The following GTF3C3 variants were observed in gnomAD, a reference collection of about 807,000 sequenced individuals.
The protein encoded by GTF3C3 is general transcription factor 3C polypeptide 3.
In GTF3C3, 75 loss-of-function variants were observed where a neutral mutation model predicts 105.2. The observed-to-expected ratio is 0.71, with a 90% CI of 0.59 to 0.86. The LOEUF is 0.86. Ranked by LOEUF, GTF3C3 falls within the 40% of genes least tolerant of loss-of-function variation. The pLI is 0.00. For synonymous variants in GTF3C3, 335 were observed against 370.4 expected, an observed-to-expected ratio of 0.90 and a Z score of 1.10; for missense variants, 856 against 1,076.5, an observed-to-expected ratio of 0.80 and a Z score of 2.87.
chr2:196,788,184 T>C (rs1675577497), intron 6 of GTF3C3, among the ~76,000 whole-genome samples: 1 of 152,222 alleles, frequency 6.6e-6, no homozygotes, highest in Admixed American at 6.5e-5. Flanking sequence ...AGAAATGTTT[T>C]CTAGTAGTCC....
rs1013244274 is a variant in GTF3C3 at position 196,763,477 on chromosome 2, G to A, written c.*1086C>T. On this transcript the variant is annotated 3_prime_UTR_variant, in exon 18 of 18. Coordinates refer to ENST00000263956, the MANE Select transcript of GTF3C3 (RefSeq NM_012086.5). ...TTAACCTCAATTATAAAAATAAAATGCATTTAAATTATACACATGGAGTAT... is the reference window on the plus strand; with the variant it reads ...TTAACCTCAATTATAAAAATAAAATACATTTAAATTATACACATGGAGTAT... 3.9e-5 allele frequency: 6 copies of A among 152,204 alleles called. No homozygotes were observed. Among genetic ancestry groups the A allele is most frequent in the Non-Finnish European group, 7.4e-5 (5 of 68,010 alleles). The allele number at this position is 152,204 out of a possible 1,614,324, so 9.4% of individuals were successfully genotyped here.
Position 196,793,072 on chromosome 2 carries a change from C to G in GTF3C3, c.295G>C (p.Glu99Gln). 6.2e-7 allele frequency: 1 copy of G among 1,613,518 alleles called. No homozygotes were observed. The highest frequency in any genetic ancestry group is 1.7e-5 in the Admixed American group (1 of 60,018). ...MLGENEDDEE[E>Q]EEEEEEEEEE... Reference sequence around the variant, plus strand: ...TCCTCCTCCTCCTCTTCTTCCTCTTCCTCCTCATCATCTTCATTCTCTCCA... The same window carrying G: ...TCCTCCTCCTCCTCTTCTTCCTCTTGCTCCTCATCATCTTCATTCTCTCCA... Residue 99 changes from glutamate to glutamine, a missense_variant, in exon 3 of 18, where the codon GAA becomes CAA. By Grantham distance (29) the Glu-to-Gln change is conservative. Coordinates refer to ENST00000263956, the MANE Select transcript of GTF3C3 (RefSeq NM_012086.5).
At position 196,763,916 on chromosome 2, in the gene GTF3C3, TCTC is replaced by T. The variant is rs1178482055; in HGVS notation, c.*644_*646del. ...CATGTCCTGTTATTGAACAAGCTCT[TCTC>T]TATTTTTTCATCAGAAAGCCACAAA... On this transcript the variant is annotated 3_prime_UTR_variant, in exon 18 of 18. Transcript: ENST00000263956. 2 of 152,166 alleles carry T rather than the reference TCTC, an allele frequency of 1.3e-5. No homozygotes were observed. The highest frequency in any genetic ancestry group is 2.9e-5 in the Non-Finnish European group (2 of 68,036). 9.4% of individuals were successfully genotyped at this position (152,166 alleles called of 1,614,324 possible). A position where few individuals can be genotyped will look rare whatever the true frequency, so the allele number is the denominator to read the frequency against.
chr2:196,766,132 A>AAAAT (rs1699063239), intron 17 of GTF3C3, among the ~76,000 whole-genome samples: 1 of 152,202 alleles, frequency 6.6e-6, no homozygotes, highest in Non-Finnish European at 1.5e-5. Context: ...TTCAGGATTT[A>AAAAT]AAATAAAAAT....
chr2:196,770,384 G>A (rs1226062314), intron 15 of GTF3C3, among the ~76,000 whole-genome samples: 2 of 152,134 alleles, frequency 1.3e-5, no homozygotes, highest in African/African-American at 4.8e-5. Flanking sequence ...GAAAAGAATG[G>A]AGGAGGTGTG....
chr2:196,789,964 G>A lies in GTF3C3; in HGVS notation c.642C>T (p.Pro214=). ...QFELIAAHLN[P]SDTEEWVRLA... ...GTCTAACCCATTCTTCTGTGTCACT[G>A]GGATTTAAATGCGCAGCAATCAACT... The change falls in exon 5 of 18, where the codon CCC becomes CCT. Residue 214 remains proline (P), a synonymous_variant. Coordinates refer to ENST00000263956, the MANE Select transcript of GTF3C3 (RefSeq NM_012086.5). The A allele has an allele frequency of 6.2e-7, 1 of 1,613,176 alleles. No individual in the cohort carries two copies. Among genetic ancestry groups the A allele is most frequent in the Non-Finnish European group, 8.5e-7 (1 of 1,179,370 alleles).
chr2:196,776,365 G>A lies in GTF3C3; in HGVS notation c.1593+62C>T. 2 of 1,339,534 alleles carry A rather than the reference G, an allele frequency of 1.5e-6. No individual in the cohort carries two copies. Among genetic ancestry groups the A allele is most frequent in the South Asian group, 2.5e-5 (2 of 79,442 alleles). 83.0% of individuals were successfully genotyped at this position (1,339,534 alleles called of 1,614,324 possible). On this transcript the variant is annotated intron_variant, in intron 11 of 17. Coordinates refer to ENST00000263956, the MANE Select transcript of GTF3C3 (RefSeq NM_012086.5). This position sits in a 1 kb window ranked among gnomAD's most constrained non-coding sequence, Gnocchi z 4.5. ...ATAAGCTATAGAGACATCCTTAATG[G>A]AGGAGAAAGTTCTAAAATATAATAT... is the stretch of plus-strand genomic sequence containing the variant.
At chr2:196,784,730 G>T in intron 8 of GTF3C3, 127 bp downstream of exon 8, 1 of 1,153,548 alleles carries the variant, frequency 8.7e-7, no homozygotes. Flanking sequence ...AATGCTTCTT[G>T]GGAAAACTTA....
intron 6 of GTF3C3, among the ~76,000 whole-genome samples, chr2:196,787,452 T>C (rs1699471035): frequency 6.6e-6 from 1 of 152,204 alleles, no homozygotes; most frequent in Non-Finnish European, 1.5e-5. Flanking sequence ...GATACCTCTC[T>C]GCACTGCTCC....
At chr2:196,798,030 A>G (rs887845559) in intron 1 of GTF3C3, 122 bp from the exon 2 acceptor site, 17 of 655,902 alleles carry the variant, frequency 2.6e-5, no homozygotes, top group Non-Finnish European at 4.1e-5. Context: ...ATGGGTTGGC[A>G]GTTTATAGAA....
chr2:196,787,489 T>C (rs1699471987), intron 6 of GTF3C3, among the ~76,000 whole-genome samples: 1 of 152,178 alleles, frequency 6.6e-6, no homozygotes, highest in Non-Finnish European at 1.5e-5. Context: ...TCCCTAACCA[T>C]ACTTTGCACT....
chr2:196,790,730 TAATAAGACTTCTAAAAGGACCCTAGTC>T (rs547658459), intron 4 of GTF3C3, among the ~76,000 whole-genome samples: 29 of 152,278 alleles, frequency 1.9e-4, no homozygotes, highest in Admixed American at 3.3e-4. Flanking sequence ...CAGGAAATTA[TAATAAGACTTCTAAAAGGACCCTAGTC>T]TAACCAAAAA....
chr2:196,776,685 A>G lies in GTF3C3; in HGVS notation c.1391-56T>C. On this transcript the variant is annotated intron_variant, in intron 10 of 17. Transcript: ENST00000263956. This position sits in a 1 kb window ranked among gnomAD's most constrained non-coding sequence, Gnocchi z 4.5. Reference sequence around the variant, plus strand: ...TGAACTACAGATTTGTAAACTGGCCACAATTACTCTTCCATTTTAAAAGAA... The same window carrying G: ...TGAACTACAGATTTGTAAACTGGCCGCAATTACTCTTCCATTTTAAAAGAA... 1 of 1,178,410 alleles carries G rather than the reference A, an allele frequency of 8.5e-7. No homozygotes were observed. Among genetic ancestry groups the G allele is most frequent in the Non-Finnish European group, 1.2e-6 (1 of 807,724 alleles). The allele number at this position is 1,178,410 out of a possible 1,614,324, so 73.0% of individuals were successfully genotyped here.
chr2:196,790,949 T>G (rs1374948271), intron 4 of GTF3C3, among the ~76,000 whole-genome samples: 3 of 152,026 alleles, frequency 2.0e-5, no homozygotes, highest in Admixed American at 6.6e-5. Flanking sequence ...AACTGAGAGA[T>G]AAGATGACAA....
At chr2:196,764,925 G>A (rs1287261412) in intron 17 of GTF3C3, among the ~76,000 whole-genome samples, 1 of 151,980 alleles carries the variant, frequency 6.6e-6, no homozygotes, top group Non-Finnish European at 1.5e-5. Context: ...CAGAATAAAC[G>A]CCAGATGAAT....
chr2:196,764,649 T>TATC lies in GTF3C3; in HGVS notation c.2572_2574dup (p.Asp858dup). 1 of 1,611,900 alleles carries TATC rather than the reference T, an allele frequency of 6.2e-7. No individual in the cohort carries two copies. The highest frequency in any genetic ancestry group is 8.5e-7 in the Non-Finnish European group (1 of 1,178,026). ...TAGATGAGAGACAAGTTGTAGGCAA[T>TATC]ATCTCTTCGTAAGTCTAACTGGTCA... On this transcript the variant is annotated inframe_insertion, in exon 18 of 18. Transcript: ENST00000263956.
intron 17 of GTF3C3, among the ~76,000 whole-genome samples, chr2:196,765,777 G>A (rs924560959): frequency 3.3e-5 from 5 of 151,918 alleles, no homozygotes; most frequent in Middle Eastern, 3.4e-3. Flanking sequence ...TTGGGAGGCT[G>A]AGGCGGGCGG....
At chr2:196,772,069 T>C in intron 14 of GTF3C3, 131 bp from the exon 15 acceptor site, 1 of 628,700 alleles carries the variant, frequency 1.6e-6, no homozygotes, top group East Asian at 2.7e-5. Flanking sequence ...AGCAGATAGT[T>C]TCAATCTATT....
At position 196,778,876 on chromosome 2, in the gene GTF3C3, C is replaced by A. The variant is rs1699299124; in HGVS notation, c.1390+20G>T. ...CTGCTTATATGATTAAAACTTCTTC[C>A]TCCCACAAAAAAGTGTTACCTGCAT... On this transcript the variant is annotated intron_variant, in intron 10 of 17. Transcript: ENST00000263956. 1.2e-6 allele frequency: 2 copies of A among 1,609,372 alleles called. No individual in the cohort carries two copies. Among genetic ancestry groups the A allele is most frequent in the African/African-American group, 2.7e-5 (2 of 74,900 alleles).
Sources: allele counts gnomAD v4.1 joint callset (sites outside exome capture counted in the v4.1 genomes callset), GRCh38; gene constraint gnomAD v4.1.1; non-coding constraint Gnocchi (gnomAD v3.1); transcripts MANE v1.5; gene names NCBI Gene and HGNC (gene_info 2026-07-23, HGNC 2026-07-21).